The following DENND1A variants were observed in gnomAD, a reference collection of about 807,000 sequenced individuals.
DENND1A encodes DENN domain containing 1A, also known as DENN domain-containing protein 1A.
Under a neutral mutation model 113.7 loss-of-function variants are expected in DENND1A, and 51 were observed. The ratio of observed to expected loss-of-function variants is 0.45; its 90% CI spans 0.36 to 0.57. The LOEUF is 0.57. Among genes scored for constraint, DENND1A ranks in the 20% least tolerant of loss-of-function variants. The pLI is 0.00. For missense variants in DENND1A, 1,258 were observed against 1,395.9 expected, an observed-to-expected ratio of 0.90 and a Z score of 1.57; for synonymous variants, 565 against 570.8, an observed-to-expected ratio of 0.99 and a Z score of 0.14.
At chr9:123,435,149 G>C (rs1329546114) in intron 19 of DENND1A, among the ~76,000 whole-genome samples, 2 of 152,180 alleles carry the variant, frequency 1.3e-5, no homozygotes, top group Non-Finnish European at 2.9e-5. Flanking sequence ...GAACATGGGA[G>C]CACCTGCTGG....
At chr9:123,910,105 T>C (rs1207674639) in intron 1 of DENND1A, among the ~76,000 whole-genome samples, 1 of 152,134 alleles carries the variant, frequency 6.6e-6, no homozygotes, top group Admixed American at 6.5e-5. Context: ...CTCTACAAAT[T>C]AGGGATGCAA....
chr9:123,477,161 A>G (rs2049980764), intron 13 of DENND1A, among the ~76,000 whole-genome samples: 1 of 152,346 alleles, frequency 6.6e-6, no homozygotes, highest in Non-Finnish European at 1.5e-5. Context: ...TTTGAGGCCA[A>G]GCCTGGCTTG....
chr9:123,830,758 C>T (rs543896024), intron 2 of DENND1A, among the ~76,000 whole-genome samples: 52 of 150,130 alleles, frequency 3.5e-4, no homozygotes, highest in East Asian at 1.2e-3. Context: ...CCCAGCTACT[C>T]GGGAGGCTGA....
intron 13 of DENND1A, chr9:123,485,671 C>T (rs1241021745): frequency 5.3e-5 from 8 of 151,356 alleles, no homozygotes; most frequent in Non-Finnish European, 1.0e-4. Context: ...CACACACACA[C>T]ACACACACAC....
chr9:123,447,741 G>A (rs186235462), intron 18 of DENND1A, among the ~76,000 whole-genome samples: 259 of 151,246 alleles, frequency 1.7e-3, no homozygotes, highest in African/African-American at 3.0e-3. Flanking sequence ...GGGGAGTCAC[G>A]AGGTACATTC....
rs906030589 is a variant in DENND1A, at chr9:123,562,781, A to G, written c.868-5086T>C. ...AAAGAGGGAATCCAGATGTCCCCCC[A>G]TCTGTGAAGCCTGCCCTGACCACTA... On this transcript the variant is annotated intron_variant, in intron 12 of 23. Coordinates refer to ENST00000394215, the MANE Select transcript of DENND1A (RefSeq NM_001352964.2). Among the ~76,000 whole-genome samples, 5 of 152,020 alleles carry G rather than the reference A, an allele frequency of 3.3e-5. No homozygotes were observed. In the South Asian group the frequency reaches 6.2e-4, roughly 19 times the overall value.
At chr9:123,564,092 A>T (rs1742702278) in intron 12 of DENND1A, among the ~76,000 whole-genome samples, 1 of 152,198 alleles carries the variant, frequency 6.6e-6, no homozygotes, top group Non-Finnish European at 1.5e-5. Flanking sequence ...ATCGGCTACA[A>T]GTTAGCTTAC....
At chr9:123,683,703 G>A (rs1011055918) in intron 5 of DENND1A, among the ~76,000 whole-genome samples, 13 of 152,184 alleles carry the variant, frequency 8.5e-5, no homozygotes, top group African/African-American at 2.7e-4. Flanking sequence ...ATACGTGCTT[G>A]TTTGCCTGTC....
At chr9:123,482,288 G>C (rs972392890) in intron 13 of DENND1A, among the ~76,000 whole-genome samples, 1 of 152,188 alleles carries the variant, frequency 6.6e-6, no homozygotes, top group African/African-American at 2.4e-5. Context: ...AGTAGAGTCA[G>C]GGTTTTGTGA....
chr9:123,534,963 T>C (rs535022130), intron 13 of DENND1A, among the ~76,000 whole-genome samples: 1 of 152,292 alleles, frequency 6.6e-6, no homozygotes, highest in African/African-American at 2.4e-5. Flanking sequence ...TGGCCTTCTC[T>C]TAAGATTCAA....
intron 5 of DENND1A, among the ~76,000 whole-genome samples, chr9:123,695,762 C>T (rs949216102): frequency 6.6e-6 from 1 of 152,102 alleles, no homozygotes; most frequent in African/African-American, 2.4e-5. Flanking sequence ...GGCACACACC[C>T]GTGGCAGACT....
intron 18 of DENND1A, among the ~76,000 whole-genome samples, chr9:123,442,487 T>C (rs1382910829): frequency 6.6e-6 from 1 of 152,048 alleles, no homozygotes; most frequent in African/African-American, 2.4e-5. Context: ...TGGATCCAGG[T>C]GAAGATCCTA....
chr9:123,572,154 C>T (rs2058391179), intron 12 of DENND1A, among the ~76,000 whole-genome samples: 1 of 152,200 alleles, frequency 6.6e-6, no homozygotes, highest in South Asian at 2.1e-4. Flanking sequence ...ACTTTTAGTC[C>T]TGGCAACCAC....
rs2046926491 is a variant in DENND1A, at chr9:123,441,463, A to C, written c.1357-972T>G. On this transcript the variant is annotated intron_variant, in intron 18 of 23. Transcript: ENST00000394215. The stretch of plus-strand genomic sequence containing the variant: ...TTGGGAAACATTTAGGGACCAAAGA[A>C]ATCTTTTTAAATCCAGAAATTTACA... 2.6e-5 allele frequency among the ~76,000 whole-genome samples: 4 copies of C among 152,230 alleles called. No individual in the cohort carries two copies. The South Asian group carries it at 8.3e-4, about 32-fold the overall frequency.
rs1852691038 is a variant in DENND1A at position 123,905,763 on chromosome 9, C to T, written c.17+24126G>A. ...ACTCCCACACATTAATAATGGGAGA[C>T]TTTAACACCCCACTGTCAACATTAG... is the stretch of plus-strand genomic sequence containing the variant. On this transcript the variant is annotated intron_variant, in intron 1 of 23. Transcript: ENST00000394215. Among the ~76,000 whole-genome samples, 6 of 150,098 alleles carry T rather than the reference C, an allele frequency of 4.0e-5. No homozygotes were observed. In the South Asian group the frequency reaches 1.3e-3, roughly 32 times the overall value.
intron 18 of DENND1A, among the ~76,000 whole-genome samples, chr9:123,445,428 T>C (rs1471748310): frequency 6.6e-6 from 1 of 152,096 alleles, no homozygotes; most frequent in African/African-American, 2.4e-5. Flanking sequence ...ACCAAGGGAG[T>C]GACTTGGTCA....
chr9:123,575,504 T>C (rs2058588115), intron 12 of DENND1A, among the ~76,000 whole-genome samples: 1 of 152,228 alleles, frequency 6.6e-6, no homozygotes. Flanking sequence ...TTGGAAAGAA[T>C]ACCACAGAAG....
chr9:123,863,451 T>G (rs1252524646), intron 2 of DENND1A, among the ~76,000 whole-genome samples: 1 of 152,214 alleles, frequency 6.6e-6, no homozygotes, highest in African/African-American at 2.4e-5. Context: ...AAACACATGG[T>G]GGGGCTTAGA....
At position 123,487,176 on chromosome 9, in the gene DENND1A, C is replaced by T. The variant is rs373219444; in HGVS notation, c.994-29279G>A. Among the ~76,000 whole-genome samples the T allele has an allele frequency of 5.3e-5, 8 of 152,374 alleles. 1 individual carries two copies. Among genetic ancestry groups the T allele is most frequent in the Admixed American group, 2.0e-4 (3 of 15,312 alleles). On this transcript the variant is annotated intron_variant, in intron 13 of 23. Coordinates refer to ENST00000394215, the MANE Select transcript of DENND1A (RefSeq NM_001352964.2). ...GAGAGTCTAGACATCATTTGAGCTCCTGGATCCAGCCATGCTGGTAGCAAG... is the reference window on the plus strand; with the variant it reads ...GAGAGTCTAGACATCATTTGAGCTCTTGGATCCAGCCATGCTGGTAGCAAG...
Sources: gnomAD v4.1 joint callset for allele counts (sites outside exome capture counted in the v4.1 genomes callset) on GRCh38, gnomAD v4.1.1 for gene constraint, MANE v1.5 for transcripts, NCBI Gene and HGNC (gene_info 2026-07-23, HGNC 2026-07-21) for gene names.